ZNF264: variants seen among roughly 807,000 people sequenced by gnomAD.
The protein encoded by ZNF264 is zinc finger protein 264.
In ZNF264, 11 loss-of-function variants were observed where a neutral mutation model predicts 11.2. That is an observed-to-expected ratio of 0.98 (90% CI 0.62 to 1.63). ZNF264 has a LOEUF of 1.63. Among genes scored for constraint, ZNF264 ranks in the 40% most tolerant of loss-of-function variants. The probability of loss-of-function intolerance (pLI) is 0.00; values close to 1 mark genes in which losing one functional copy is unlikely to be tolerated. For synonymous variants in ZNF264, 309 were observed against 279.8 expected, an observed-to-expected ratio of 1.10 and a Z score of -1.04; for missense variants, 752 against 768.1, an observed-to-expected ratio of 0.98 and a Z score of 0.25.
At chr19:57,198,025 G>A (rs1046128953) in intron 2 of ZNF264, among the ~76,000 whole-genome samples, 2 of 151,978 alleles carry the variant, frequency 1.3e-5, no homozygotes, top group Admixed American at 6.5e-5. Context: ...ATAAGATTAC[G>A]ACACAAAGTC....
Position 57,194,007 on chromosome 19 carries a change from G to C in ZNF264, c.160+6G>C. The C allele has an allele frequency of 6.2e-7, 1 of 1,602,372 alleles. No individual in the cohort carries two copies. The highest frequency in any genetic ancestry group is 1.3e-5 in the African/African-American group (1 of 74,628). ...TGGGCTCCTGGTGTCTCTGGGTAAGGCCTTCCTTCCCCCTCCACCATGCAG... is the reference window on the plus strand; with the variant it reads ...TGGGCTCCTGGTGTCTCTGGGTAAGCCCTTCCTTCCCCCTCCACCATGCAG... On this transcript the variant is annotated splice_donor_region_variant and intron_variant, in intron 2 of 3. Transcript: ENST00000263095.
intron 1 of ZNF264, among the ~76,000 whole-genome samples, chr19:57,192,841 C>T (rs1046299216): frequency 6.6e-6 from 1 of 152,142 alleles, no homozygotes; most frequent in Non-Finnish European, 1.5e-5. Context: ...AAGCAATTCT[C>T]CTGCCCCAGC....
chr19:57,198,024 C>G (rs150755891), intron 2 of ZNF264, among the ~76,000 whole-genome samples: 1 of 151,932 alleles, frequency 6.6e-6, no homozygotes, highest in Admixed American at 6.6e-5. Context: ...AATAAGATTA[C>G]GACACAAAGT....
At chr19:57,210,223 G>C (rs1025621687) in intron 3 of ZNF264, among the ~76,000 whole-genome samples, 20 of 151,950 alleles carry the variant, frequency 1.3e-4, no homozygotes, top group Admixed American at 1.3e-3. Context: ...ACAAGCATAG[G>C]ACTCACTTCA....
chr19:57,195,589 C>T lies in ZNF264; in HGVS notation c.160+1588C>T, dbSNP rs1030351500. On this transcript the variant is annotated intron_variant, in intron 2 of 3. Transcript: ENST00000263095. ...TGCCTGGATTGGGCTGTTGTAGCTT[C>T]CCATTGACCTTAATCACAGGGCATG... Among the ~76,000 whole-genome samples, 70 of 149,986 alleles carry T rather than the reference C, an allele frequency of 4.7e-4. 1 individual carries two copies. Among genetic ancestry groups the T allele is most frequent in the African/African-American group, 1.7e-3 (67 of 39,418 alleles).
chr19:57,205,333 AGATTG>A, intron 2 of ZNF264, 59 bp from the exon 3 acceptor site: 7 of 1,477,794 alleles, frequency 4.7e-6, no homozygotes, highest in Non-Finnish European at 6.5e-6. Flanking sequence ...GTCCCAAACT[AGATTG>A]AAGGTCTTTA....
intron 3 of ZNF264, among the ~76,000 whole-genome samples, chr19:57,207,409 C>G (rs2087300439): frequency 6.6e-6 from 1 of 152,092 alleles, no homozygotes; most frequent in South Asian, 2.1e-4. Context: ...GAGGTCTTGC[C>G]CCAGTCATGG....
intron 2 of ZNF264, among the ~76,000 whole-genome samples, chr19:57,203,249 G>C (rs778757416): frequency 6.6e-6 from 1 of 152,138 alleles, no homozygotes; most frequent in Admixed American, 6.6e-5. Context: ...ATTTAGGGCA[G>C]GGGAAATACT....
chr19:57,203,107 G>A (rs1026101732), intron 2 of ZNF264, among the ~76,000 whole-genome samples: 2 of 152,124 alleles, frequency 1.3e-5, no homozygotes, highest in African/African-American at 4.8e-5. Context: ...AGTTTTCCCT[G>A]CGTATTGGGT....
rs1301148360 is a variant in ZNF264 at position 57,211,384 on chromosome 19, C to T, written c.287C>T (p.Pro96Leu). ...GDKGKPKTTE[P>L]TTCEPALSEG... Reference sequence around the variant, plus strand: ...AAAGGAAAACCTAAGACCACAGAACCTACCACTTGTGAGCCAGCCTTGTCA... The same window carrying T: ...AAAGGAAAACCTAAGACCACAGAACTTACCACTTGTGAGCCAGCCTTGTCA... Residue 96 changes from proline to leucine, a missense_variant, in exon 4 of 4, where the codon CCT (proline) becomes CTT (leucine). Pro to Leu is a moderately conservative substitution (Grantham distance 98). Coordinates refer to ENST00000263095, the MANE Select transcript of ZNF264 (RefSeq NM_003417.5). The T allele has an allele frequency of 6.2e-7, 1 of 1,613,738 alleles. No individual in the cohort carries two copies. The highest frequency in any genetic ancestry group is 8.5e-7 in the Non-Finnish European group (1 of 1,179,784).
At position 57,212,931 on chromosome 19, in the gene ZNF264, G is replaced by T; in HGVS notation, c.1834G>T (p.Ala612Ser). 6.2e-7 allele frequency: 1 copy of T among 1,613,998 alleles called. No homozygotes were observed. The highest frequency in any genetic ancestry group is 8.5e-7 in the Non-Finnish European group (1 of 1,179,910). Residue 612 changes from alanine to serine, a missense_variant, in exon 4 of 4, where the codon GCA (alanine) becomes TCA (serine). Transcript: ENST00000263095. Reference protein sequence around the residue: ...NILPEETSSSASDQPYQRETP... With the variant: ...NILPEETSSSSSDQPYQRETP... ...TTTGCCAGAGGAAACATCTTCCTCTGCATCTGATCAACCATACCAAAGAGA... is the reference window on the plus strand; with the variant it reads ...TTTGCCAGAGGAAACATCTTCCTCTTCATCTGATCAACCATACCAAAGAGA...
rs2122753454 is a variant in ZNF264 at position 57,205,459 on chromosome 19, A to G, written c.223A>G (p.Arg75Gly). The G allele has an allele frequency of 6.2e-7, 1 of 1,612,258 alleles. No homozygotes were observed. The highest frequency in any genetic ancestry group is 8.5e-7 in the Non-Finnish European group (1 of 1,179,284). Residue 75 changes from arginine (R) to glycine (G), a missense_variant, in exon 3 of 4, where the codon AGG becomes GGG. Physicochemically the swap from Arg to Gly is moderately radical, Grantham distance 125 (BLOSUM62 -2). Coordinates refer to ENST00000263095, the MANE Select transcript of ZNF264 (RefSeq NM_003417.5). The part of the protein sequence containing the change: ...HLEHGQEPWT[R>G]KEDLSQDTCP... ...AGAGCATGGGCAGGAGCCATGGACCAGGAAGGAAGACCTCTCCCAAGACAC... is the reference window on the plus strand; with the variant it reads ...AGAGCATGGGCAGGAGCCATGGACCGGGAAGGAAGACCTCTCCCAAGACAC...
rs949194755 is a variant in ZNF264 at position 57,192,374 on chromosome 19, A to G, written c.33+428A>G. 3 of 985,208 alleles carry G rather than the reference A, an allele frequency of 3.0e-6. No individual in the cohort carries two copies. In the African/African-American group the frequency reaches 5.2e-5, roughly 17 times the overall value. 61.0% of individuals were successfully genotyped at this position (985,208 alleles called of 1,614,324 possible). The stretch of plus-strand genomic sequence containing the variant: ...TTTTCCTGCGGCCGCTGAGACGTGG[A>G]GGGCAACAGTGTGTGGTCTTTTCCT... On this transcript the variant is annotated intron_variant, in intron 1 of 3. Coordinates refer to ENST00000263095, the MANE Select transcript of ZNF264 (RefSeq NM_003417.5).
intron 3 of ZNF264, 42 bp downstream of exon 3, chr19:57,205,534 T>G: frequency 1.3e-6 from 2 of 1,545,956 alleles, no homozygotes; most frequent in Non-Finnish European, 1.8e-6. Flanking sequence ...CCTTCTGGCT[T>G]AAGACTGGAT....
Position 57,212,593 on chromosome 19 carries a change from C to G in ZNF264, c.1496C>G (p.Thr499Arg), listed in dbSNP as rs147865767. 6.2e-7 allele frequency: 1 copy of G among 1,613,966 alleles called. No individual in the cohort carries two copies. Among genetic ancestry groups the G allele is most frequent in the South Asian group, 1.1e-5 (1 of 91,088 alleles). Reference sequence around the variant, plus strand: ...GCCTTCACCCGCATGTCGGGCCTCACGAGGCACAAGCGGATTCATAGTGGA... The same window carrying G: ...GCCTTCACCCGCATGTCGGGCCTCAGGAGGCACAAGCGGATTCATAGTGGA... ...GKAFTRMSGLTRHKRIHSGEK... is the reference protein window; with the variant it reads ...GKAFTRMSGLRRHKRIHSGEK... Residue 499 changes from threonine (T) to arginine (R), a missense_variant, in exon 4 of 4, where the codon ACG becomes AGG. Coordinates refer to ENST00000263095, the MANE Select transcript of ZNF264 (RefSeq NM_003417.5).
chr19:57,194,714 G>T, intron 2 of ZNF264: 1 of 386,140 alleles, frequency 2.6e-6, no homozygotes, highest in South Asian at 1.3e-4. Context: ...CCCAGATTAA[G>T]GGGGGGGTCT....
Position 57,212,556 on chromosome 19 carries a change from G to C in ZNF264, c.1459G>C (p.Glu487Gln). The change falls in exon 4 of 4, where the codon GAG becomes CAG. Residue 487 changes from glutamate to glutamine, a missense_variant. Transcript: ENST00000263095. ...HTGEKPYECV[E>Q]CGKAFTRMSG... ...TGGAGAGAAGCCCTATGAGTGCGTG[G>C]AGTGTGGAAAGGCCTTCACCCGCAT... 6.2e-7 allele frequency: 1 copy of C among 1,614,206 alleles called. No homozygotes were observed. The highest frequency in any genetic ancestry group is 1.1e-5 in the South Asian group (1 of 91,088).
rs200050497 is a variant in ZNF264, at chr19:57,212,165, A to C, written c.1068A>C (p.Ser356=). 5.4e-4 allele frequency: 870 copies of C among 1,614,142 alleles called. 2 individuals carry two copies. Among genetic ancestry groups the C allele is most frequent in the Admixed American group, 8.5e-4 (51 of 60,018 alleles). Residue 356 remains serine (S), a synonymous_variant, in exon 4 of 4, where the codon TCA becomes TCC. Coordinates refer to ENST00000263095, the MANE Select transcript of ZNF264 (RefSeq NM_003417.5). Reference sequence around the variant, plus strand: ...GTGGCAAGGTCTTCAAACACAGGTCATATCTCATGTGGCACCAGCAGACTC... The same window carrying C: ...GTGGCAAGGTCTTCAAACACAGGTCCTATCTCATGTGGCACCAGCAGACTC... ...LECGKVFKHR[S]YLMWHQQTHT... is the part of the protein sequence containing the mutation.
chr19:57,209,177 A>G (rs563543518), intron 3 of ZNF264, among the ~76,000 whole-genome samples: 16 of 152,208 alleles, frequency 1.1e-4, no homozygotes, highest in African/African-American at 3.9e-4. Context: ...ACTGTAGTCT[A>G]ACTTATGACT....
Sources: gnomAD v4.1 joint callset for allele counts (sites outside exome capture counted in the v4.1 genomes callset) on GRCh38, gnomAD v4.1.1 for gene constraint, MANE v1.5 for transcripts, NCBI Gene and HGNC (gene_info 2026-07-23, HGNC 2026-07-21) for gene names.